ROBO2: variants seen among roughly 807,000 people sequenced by gnomAD.
ROBO2 encodes the protein roundabout guidance receptor 2.
In ROBO2, 53 loss-of-function variants were observed where a neutral mutation model predicts 160.8. That is an observed-to-expected ratio of 0.33 (90% CI 0.26 to 0.41). ROBO2 has a LOEUF of 0.41. ROBO2 is among the 10% of genes least tolerant of loss of function. The pLI is 1.00. For missense variants in ROBO2, 1,577 were observed against 1,722.4 expected (o/e 0.92, Z 1.49); for synonymous variants, 664 against 611.7 (o/e 1.09, Z -1.26).
At chr3:76,066,965 T>C (rs1310574191) in intron 2 of ROBO2, among the ~76,000 whole-genome samples, 1 of 152,224 alleles carries the variant, frequency 6.6e-6, no homozygotes, top group African/African-American at 2.4e-5. Context: ...GTCTTTTTGC[T>C]TTAATGTGAA....
intron 2 of ROBO2, among the ~76,000 whole-genome samples, chr3:76,827,469 T>G (rs570030991): frequency 4.0e-4 from 61 of 152,284 alleles, no homozygotes; most frequent in African/African-American, 1.4e-3. Flanking sequence ...TAGAGTTGTA[T>G]CCAATAGCTT....
chr3:76,965,785 G>GTGTATATATATATATA lies in ROBO2; in HGVS notation c.110-132228_110-132227insGTATATATATATATAT, dbSNP rs1424338840. Among the ~76,000 whole-genome samples the GTGTATATATATATATA allele has an allele frequency of 7.0e-3, 906 of 129,068 alleles. 15 individuals are homozygous for GTGTATATATATATATA. The highest frequency in any genetic ancestry group is 0.027 in the African/African-American group (870 of 31,932). 84.7% of individuals were successfully genotyped at this position (129,068 alleles called of 152,430 possible). A position where few individuals can be genotyped will look rare whatever the true frequency, so the allele number is the denominator to read the frequency against. ...CTATACCATTATTTATTGTGTTTGT[G>GTGTATATATATATATA]TATATATATATATATATATATATAT... On this transcript the variant is annotated intron_variant, in intron 2 of 26. Coordinates refer to the ROBO2 transcript ENST00000487694.
chr3:77,632,184 G>A (rs543764602), intron 23 of ROBO2: 3 of 218,202 alleles, frequency 1.4e-5, no homozygotes, highest in African/African-American at 2.3e-5. Context: ...AATACACATC[G>A]CAGCTCTCTT....
At chr3:76,194,190 G>A (rs1702136695) in intron 2 of ROBO2, among the ~76,000 whole-genome samples, 1 of 151,272 alleles carries the variant, frequency 6.6e-6, no homozygotes, top group Admixed American at 6.6e-5. Context: ...TTCTTCTAGA[G>A]AAAGACTAAC....
At chr3:77,180,605 C>A (rs1452825482) in intron 2 of ROBO2, among the ~76,000 whole-genome samples, 3 of 150,342 alleles carry the variant, frequency 2.0e-5, no homozygotes, top group Non-Finnish European at 4.4e-5. Flanking sequence ...TTTCTATATA[C>A]CATATTGGTT....
chr3:77,043,291 A>G (rs779556119), intron 1 of ROBO2, among the ~76,000 whole-genome samples: 1 of 152,220 alleles, frequency 6.6e-6, no homozygotes, highest in Non-Finnish European at 1.5e-5. Flanking sequence ...AGAAGCCTGT[A>G]CCATTTCAAA....
chr3:76,207,255 T>C (rs1207699787), intron 2 of ROBO2, among the ~76,000 whole-genome samples: 1 of 152,168 alleles, frequency 6.6e-6, no homozygotes. Flanking sequence ...TTTAAATAAA[T>C]ACTGTTTTGC....
chr3:76,343,816 T>TG (rs1216153901), intron 2 of ROBO2, among the ~76,000 whole-genome samples: 1 of 152,044 alleles, frequency 6.6e-6, no homozygotes, highest in Non-Finnish European at 1.5e-5. Flanking sequence ...AGACAGCCCT[T>TG]GTAGCCTCCA....
At chr3:76,802,319 C>A (rs535617376) in intron 2 of ROBO2, among the ~76,000 whole-genome samples, 1 of 152,284 alleles carries the variant, frequency 6.6e-6, no homozygotes, top group South Asian at 2.1e-4. Context: ...AATGATTATT[C>A]TGAATAAATG....
At chr3:76,486,656 C>T (rs993419828) in intron 2 of ROBO2, among the ~76,000 whole-genome samples, 1 of 152,016 alleles carries the variant, frequency 6.6e-6, no homozygotes, top group African/African-American at 2.4e-5. Context: ...ATTAGAAAAA[C>T]CAAAATAAAT....
At chr3:76,202,973 A>G (rs1419635963) in intron 2 of ROBO2, among the ~76,000 whole-genome samples, 4 of 151,532 alleles carry the variant, frequency 2.6e-5, no homozygotes, top group African/African-American at 4.9e-5. Flanking sequence ...TGTGTAGTTC[A>G]TGAGTCCAAA....
intron 2 of ROBO2, among the ~76,000 whole-genome samples, chr3:75,948,799 A>G (rs1407340141): frequency 6.6e-6 from 1 of 152,096 alleles, no homozygotes; most frequent in Non-Finnish European, 1.5e-5. Flanking sequence ...TGAATATCCC[A>G]TTTTCATTAT....
intron 2 of ROBO2, among the ~76,000 whole-genome samples, chr3:76,256,254 G>A (rs1706354214): frequency 1.3e-5 from 2 of 151,406 alleles, no homozygotes. Flanking sequence ...GGGATGCAGT[G>A]AGCTGTGATT....
chr3:75,964,559 G>T (rs1245918961), intron 2 of ROBO2, among the ~76,000 whole-genome samples: 1 of 150,932 alleles, frequency 6.6e-6, no homozygotes, highest in African/African-American at 2.4e-5. Flanking sequence ...GTATATATTT[G>T]GTATAATTCT....
intron 2 of ROBO2, among the ~76,000 whole-genome samples, chr3:77,161,909 T>C (rs1490724288): frequency 1.3e-5 from 2 of 152,130 alleles, no homozygotes; most frequent in Non-Finnish European, 1.5e-5. Context: ...ATTAATAACT[T>C]CATCCAAATT....
chr3:77,576,562 G>T (rs985439348), intron 14 of ROBO2, among the ~76,000 whole-genome samples: 3 of 152,050 alleles, frequency 2.0e-5, no homozygotes, highest in Non-Finnish European at 4.4e-5. Flanking sequence ...TTTCCACAAA[G>T]TTATTATTTC....
chr3:76,530,585 G>A (rs1025629738), intron 2 of ROBO2, among the ~76,000 whole-genome samples: 8 of 152,066 alleles, frequency 5.3e-5, no homozygotes, highest in Admixed American at 2.0e-4. Flanking sequence ...ACCCCGTCTC[G>A]TCTCAGTAAC....
intron 2 of ROBO2, among the ~76,000 whole-genome samples, chr3:77,320,200 T>C (rs775654033): frequency 1.2e-4 from 18 of 152,206 alleles, no homozygotes; most frequent in Non-Finnish European, 2.2e-4. Context: ...TCTACCCTCT[T>C]GTTTTAAAAC....
chr3:76,116,129 C>T lies in ROBO2; in HGVS notation c.109+178527C>T, dbSNP rs149125974. Among the ~76,000 whole-genome samples, 379 of 152,218 alleles carry T rather than the reference C, an allele frequency of 2.5e-3. 2 individuals are homozygous for T. The highest frequency in any genetic ancestry group is 3.9e-3 in the Non-Finnish European group (266 of 67,990). On this transcript the variant is annotated intron_variant, in intron 2 of 26. Transcript: ENST00000487694. ...CTTTTATTAAAATCCTGACTCTTCCCCTCATTTAGTATAAGATCTTGGACA... is the reference window on the plus strand; with the variant it reads ...CTTTTATTAAAATCCTGACTCTTCCTCTCATTTAGTATAAGATCTTGGACA...
Sources: allele counts gnomAD v4.1 joint callset (sites outside exome capture counted in the v4.1 genomes callset), GRCh38; gene constraint gnomAD v4.1.1; transcripts MANE v1.5; gene names NCBI Gene and HGNC (gene_info 2026-07-23, HGNC 2026-07-21).